The following PTPRD variants were observed in gnomAD, a reference collection of about 807,000 sequenced individuals.
PTPRD encodes protein tyrosine phosphatase receptor type D.
Under a neutral mutation model 214.5 loss-of-function variants are expected in PTPRD, and 34 were observed. The ratio of observed to expected loss-of-function variants is 0.16; its 90% confidence interval spans 0.12 to 0.21. The LOEUF is 0.21. PTPRD is among the 10% of genes least tolerant of loss of function. The probability of loss-of-function intolerance (pLI) is 1.00; values close to 1 mark genes in which losing one functional copy is unlikely to be tolerated. For synonymous variants in PTPRD, 1,128 were observed against 845.7 expected, an observed-to-expected ratio of 1.33 and a Z score of -5.79; for missense variants, 2,545 against 2,398.7, an observed-to-expected ratio of 1.06 and a Z score of -1.27.
At chr9:10,128,944 T>C (rs1010946614) in intron 3 of PTPRD, among the ~76,000 whole-genome samples, 5 of 152,196 alleles carry the variant, frequency 3.3e-5, no homozygotes, top group Non-Finnish European at 7.3e-5. Flanking sequence ...TCATCATGGC[T>C]ACTATCATCA....
chr9:8,342,731 A>G (rs538835758), intron 39 of PTPRD, among the ~76,000 whole-genome samples: 1 of 152,232 alleles, frequency 6.6e-6, no homozygotes, highest in East Asian at 1.9e-4. Context: ...TCAATAAACA[A>G]TGAAGTACTC....
chr9:9,885,892 G>C (rs1279650299), intron 5 of PTPRD, among the ~76,000 whole-genome samples: 3 of 150,082 alleles, frequency 2.0e-5, no homozygotes, highest in Non-Finnish European at 3.0e-5. Context: ...AAGAAGAGAA[G>C]GGCCTATCTG....
chr9:9,201,814 A>G (rs1159759801), intron 9 of PTPRD, among the ~76,000 whole-genome samples: 1 of 152,218 alleles, frequency 6.6e-6, no homozygotes, highest in Non-Finnish European at 1.5e-5. Context: ...TAGCACAGTC[A>G]TTAACTCATT....
At chr9:10,318,469 C>A (rs1391629713) in intron 3 of PTPRD, among the ~76,000 whole-genome samples, 3 of 151,952 alleles carry the variant, frequency 2.0e-5, no homozygotes, top group Non-Finnish European at 4.4e-5. Context: ...CAGGCCTTAC[C>A]CGTGCCTCTT....
chr9:9,763,239 T>C (rs1172882728), intron 6 of PTPRD, among the ~76,000 whole-genome samples: 6 of 152,170 alleles, frequency 3.9e-5, no homozygotes, highest in African/African-American at 1.4e-4. Flanking sequence ...ATCACACATA[T>C]GCATACCCAT....
intron 4 of PTPRD, among the ~76,000 whole-genome samples, chr9:9,965,363 A>C (rs1185354307): frequency 6.6e-6 from 1 of 152,130 alleles, no homozygotes; most frequent in Non-Finnish European, 1.5e-5. Flanking sequence ...GGCTTTCAAA[A>C]CGGAGGAGAC....
At chr9:10,339,664 T>G (rs928080265) in intron 3 of PTPRD, among the ~76,000 whole-genome samples, 1 of 151,650 alleles carries the variant, frequency 6.6e-6, no homozygotes, top group Non-Finnish European at 1.5e-5. Flanking sequence ...CTCCTCAAAG[T>G]TGCTATAGAA....
intron 14 of PTPRD, among the ~76,000 whole-genome samples, chr9:8,572,292 T>TA (rs745745183): frequency 6.6e-6 from 1 of 152,054 alleles, no homozygotes; most frequent in Non-Finnish European, 1.5e-5. Context: ...TCTACCTAAC[T>TA]AAAAAGCAAA....
intron 10 of PTPRD, among the ~76,000 whole-genome samples, chr9:9,026,056 A>G (rs1439549913): frequency 6.6e-6 from 1 of 151,926 alleles, no homozygotes; most frequent in Non-Finnish European, 1.5e-5. Context: ...AAGTGCCATG[A>G]AAAAAATAAA....
intron 8 of PTPRD, among the ~76,000 whole-genome samples, chr9:9,435,635 C>T (rs2084939326): frequency 6.6e-6 from 1 of 152,062 alleles, no homozygotes; most frequent in Non-Finnish European, 1.5e-5. Context: ...TATTTTCCAG[C>T]AAGCACATGT....
chr9:9,326,188 AC>A (rs2039807981), intron 9 of PTPRD, among the ~76,000 whole-genome samples: 1 of 152,104 alleles, frequency 6.6e-6, no homozygotes, highest in South Asian at 2.1e-4. Flanking sequence ...GAAGGGAAAG[AC>A]AGGAGCCCAT....
intron 9 of PTPRD, among the ~76,000 whole-genome samples, chr9:9,370,993 G>A (rs1026243914): frequency 3.9e-5 from 6 of 152,126 alleles, no homozygotes; most frequent in African/African-American, 1.4e-4. Context: ...GTTTTTTGAT[G>A]TGCTGCTGGA....
At chr9:10,326,854 G>C (rs2096651869) in intron 3 of PTPRD, among the ~76,000 whole-genome samples, 1 of 151,338 alleles carries the variant, frequency 6.6e-6, no homozygotes, top group African/African-American at 2.4e-5. Context: ...TTATGATCAT[G>C]AGATATCAAT....
chr9:9,974,011 T>C (rs1435052536), intron 4 of PTPRD, among the ~76,000 whole-genome samples: 1 of 152,192 alleles, frequency 6.6e-6, no homozygotes, highest in Non-Finnish European at 1.5e-5. Flanking sequence ...GTTCCCATCA[T>C]AGGAATTTAG....
At chr9:10,222,282 T>C (rs2099573897) in intron 3 of PTPRD, among the ~76,000 whole-genome samples, 1 of 152,118 alleles carries the variant, frequency 6.6e-6, no homozygotes, top group South Asian at 2.1e-4. Flanking sequence ...ACTACAGTTG[T>C]TTGTTCTGTT....
intron 10 of PTPRD, among the ~76,000 whole-genome samples, chr9:9,039,858 A>G (rs2154382610): frequency 6.6e-6 from 1 of 152,240 alleles, no homozygotes; most frequent in East Asian, 1.9e-4. Context: ...AACAATTACA[A>G]TATCTGAGCT....
chr9:9,734,296 A>G (rs1341409579), intron 7 of PTPRD, among the ~76,000 whole-genome samples: 1 of 152,238 alleles, frequency 6.6e-6, no homozygotes, highest in African/African-American at 2.4e-5. Flanking sequence ...TCTGTTTGGA[A>G]TGTTCTTCTA....
intron 10 of PTPRD, among the ~76,000 whole-genome samples, chr9:9,150,464 A>G (rs1457179222): frequency 1.4e-5 from 2 of 145,636 alleles, no homozygotes; most frequent in Non-Finnish European, 3.0e-5. Context: ...AACATATTAT[A>G]TATATAATAT....
chr9:8,807,372 A>G (rs1221771215), intron 11 of PTPRD, among the ~76,000 whole-genome samples: 1 of 152,152 alleles, frequency 6.6e-6, no homozygotes, highest in Non-Finnish European at 1.5e-5. Context: ...GTAAGGCTTT[A>G]AAAAGATGAA....
Sources: allele counts gnomAD v4.1 joint callset (sites outside exome capture counted in the v4.1 genomes callset), GRCh38; gene constraint gnomAD v4.1.1; transcripts MANE v1.5; gene names NCBI Gene and HGNC (gene_info 2026-07-23, HGNC 2026-07-21).